The following SLC15A5 variants were observed in gnomAD, a reference collection of about 807,000 sequenced individuals.
SLC15A5 encodes the protein Peptide/histidine transporter ENSP00000340402.
In SLC15A5, 58 loss-of-function variants were observed where a neutral mutation model predicts 56.1. That is an observed-to-expected ratio of 1.03 (90% confidence interval 0.84 to 1.29). The LOEUF is 1.29. SLC15A5 is among the 50% of genes most tolerant of loss of function. The pLI, the probability that SLC15A5 is intolerant of heterozygous loss-of-function variation, is 0.00. For synonymous variants in SLC15A5, 264 were observed against 250.5 expected (o/e 1.05, Z -0.51); for missense variants, 681 against 672.1 (o/e 1.01, Z -0.15).
At chr12:16,220,999 C>T (rs757447553) in intron 6 of SLC15A5, among the ~76,000 whole-genome samples, 2 of 151,976 alleles carry the variant, frequency 1.3e-5, no homozygotes, top group Non-Finnish European at 2.9e-5. Flanking sequence ...AGCTCATCTC[C>T]AATGTATAAC....
At position 16,189,531 on chromosome 12, in the gene SLC15A5, T is replaced by A; in HGVS notation, c.*137A>T. 1 of 657,662 alleles carries A rather than the reference T, an allele frequency of 1.5e-6. No individual in the cohort carries two copies. 40.7% of individuals were successfully genotyped at this position (657,662 alleles called of 1,614,324 possible). On this transcript the variant is annotated 3_prime_UTR_variant, in exon 9 of 9. Transcript: ENST00000344941. ...CTAGAAAATTCATAATTAGTCTTTG[T>A]AAATAAAGTATACAGATGATATTTG...
At position 16,271,022 on chromosome 12, in the gene SLC15A5, G is replaced by C. The variant is rs1229012712; in HGVS notation, c.584+1539C>G. 6.6e-6 allele frequency among the ~76,000 whole-genome samples: 1 copy of C among 152,124 alleles called. No individual in the cohort carries two copies. Among genetic ancestry groups the C allele is most frequent in the Non-Finnish European group, 1.5e-5 (1 of 68,014 alleles). The stretch of plus-strand genomic sequence containing the variant: ...CTTTAAATTTTTAAAATAGTGAGCT[G>C]TTTAGTGAAATCAGAAAATAATTTT... On this transcript the variant is annotated intron_variant, in intron 2 of 8. Transcript: ENST00000344941. This position sits in a 1 kb window ranked among gnomAD's most constrained non-coding sequence, Gnocchi z 8.0.
chr12:16,275,131 A>G (rs978517421), intron 1 of SLC15A5, among the ~76,000 whole-genome samples: 4 of 151,984 alleles, frequency 2.6e-5, no homozygotes, highest in Admixed American at 6.6e-5. Flanking sequence ...ATGCAATCGT[A>G]TAAGTATTAT....
chr12:16,241,658 C>G, intron 4 of SLC15A5, among the ~76,000 whole-genome samples: 1 of 152,284 alleles, frequency 6.6e-6, no homozygotes, highest in Non-Finnish European at 1.5e-5. Context: ...ATGGATCCCC[C>G]ATCGGAGGAA....
At chr12:16,224,271 A>G (rs1864216773) in intron 6 of SLC15A5, 143 bp downstream of exon 6, 1 of 698,756 alleles carries the variant, frequency 1.4e-6, no homozygotes. Flanking sequence ...TAAAAAAGTA[A>G]TAAATAAATT....
intron 2 of SLC15A5, among the ~76,000 whole-genome samples, chr12:16,258,990 C>CTTTTTTTTTTTTT (rs35905307): frequency 4.2e-5 from 5 of 118,430 alleles, no homozygotes; most frequent in South Asian, 2.8e-4. Flanking sequence ...TCTTCTTTTT[C>CTTTTTTTTTTTTT]TTTTTTTTTT....
chr12:16,217,247 A>G (rs548939720), intron 6 of SLC15A5, among the ~76,000 whole-genome samples: 23 of 152,174 alleles, frequency 1.5e-4, no homozygotes, highest in African/African-American at 5.5e-4. Context: ...CCCAGCTACA[A>G]TGAGAATTTG....
intron 7 of SLC15A5, among the ~76,000 whole-genome samples, chr12:16,209,080 C>T (rs77140515): frequency 0.044 from 6,547 of 149,650 alleles, 201 homozygotes; most frequent in African/African-American, 0.07. Flanking sequence ...GTTTTCATTT[C>T]ACCACTGAAA....
In SLC15A5 at chr12:16,256,153, A is replaced by G. The variant is rs187565782; in HGVS notation, c.754+1548T>C. Among the ~76,000 whole-genome samples, 200 of 152,352 alleles carry G rather than the reference A, an allele frequency of 1.3e-3. 6 individuals are homozygous for G. In the East Asian group the frequency reaches 0.028, roughly 21 times the overall value. ...GTTGAAATTCAACTCAATAATTTGC[A>G]AATCTATAGATAGAAGGAAATAATT... On this transcript the variant is annotated intron_variant, in intron 3 of 8. Coordinates refer to ENST00000344941, the MANE Select transcript of SLC15A5 (RefSeq NM_001170798.1).
intron 3 of SLC15A5, among the ~76,000 whole-genome samples, chr12:16,246,623 A>G (rs192044987): frequency 1.6e-4 from 24 of 152,328 alleles, no homozygotes; most frequent in African/African-American, 5.5e-4. Flanking sequence ...TGATTATTAA[A>G]TGATAAGTAC....
intron 2 of SLC15A5, among the ~76,000 whole-genome samples, chr12:16,265,334 C>T (rs762124312): frequency 1.4e-4 from 21 of 152,184 alleles, no homozygotes; most frequent in Admixed American, 3.3e-4. Flanking sequence ...CTAGTCTGCT[C>T]ACTGTCCCAG....
intron 7 of SLC15A5, among the ~76,000 whole-genome samples, chr12:16,204,076 T>C (rs997150169): frequency 6.6e-6 from 1 of 152,230 alleles, no homozygotes; most frequent in Non-Finnish European, 1.5e-5. Flanking sequence ...AAGTATGTTA[T>C]ATACTTGGAT....
intron 3 of SLC15A5, among the ~76,000 whole-genome samples, chr12:16,252,193 A>G (rs1316294947): frequency 6.6e-6 from 1 of 151,976 alleles, no homozygotes; most frequent in Non-Finnish European, 1.5e-5. Flanking sequence ...TGAATATCCC[A>G]CCGCTGACAT....
intron 3 of SLC15A5, among the ~76,000 whole-genome samples, chr12:16,252,609 C>T: frequency 6.6e-6 from 1 of 151,886 alleles, no homozygotes; most frequent in Non-Finnish European, 1.5e-5. Flanking sequence ...AGGTGAAAGA[C>T]TTGTATAATG....
rs1864053771 is a variant in SLC15A5 at position 16,209,217 on chromosome 12, T to C, written c.1483+7676A>G. On this transcript the variant is annotated intron_variant, in intron 7 of 8. Transcript: ENST00000344941. ...TACCATTATCTGCTTGAAACCATCT[T>C]CTTTCTTATCTTCAGTGAATATACA... Among the ~76,000 whole-genome samples, 3 of 144,236 alleles carry C rather than the reference T, an allele frequency of 2.1e-5. No homozygotes were observed. The South Asian group carries it at 6.3e-4, about 31-fold the overall frequency. 94.6% of individuals were successfully genotyped at this position (144,236 alleles called of 152,430 possible). A position where few individuals can be genotyped will look rare whatever the true frequency, so the allele number is the denominator to read the frequency against.
chr12:16,239,868 CTG>C lies in SLC15A5; in HGVS notation c.976-3_976-2del. ...TTTGCAGATAATATCCTGAAGGAAT[CTG>C]TATTCGAGAGGGAAACATCCATGCA... is the stretch of plus-strand genomic sequence containing the variant. On this transcript the variant is annotated splice_acceptor_variant and splice_polypyrimidine_tract_variant and intron_variant, in intron 4 of 8. Coordinates refer to ENST00000344941, the MANE Select transcript of SLC15A5 (RefSeq NM_001170798.1). LOFTEE classifies it high-confidence loss of function. 3 of 1,536,098 alleles carry C rather than the reference CTG, an allele frequency of 2.0e-6. No homozygotes were observed. The highest frequency in any genetic ancestry group is 2.6e-6 in the Non-Finnish European group (3 of 1,146,376).
At chr12:16,191,503 T>G (rs1290825852) in intron 8 of SLC15A5, among the ~76,000 whole-genome samples, 1 of 152,036 alleles carries the variant, frequency 6.6e-6, no homozygotes, top group Non-Finnish European at 1.5e-5. Context: ...TGATAAAAAA[T>G]GGGATTGTGA....
chr12:16,198,388 G>T (rs563742076), intron 7 of SLC15A5, among the ~76,000 whole-genome samples: 1 of 152,042 alleles, frequency 6.6e-6, no homozygotes, highest in East Asian at 1.9e-4. Context: ...CTATTTATCC[G>T]AAATTATCAC....
chr12:16,242,582 A>G (rs1159299336), intron 4 of SLC15A5, among the ~76,000 whole-genome samples: 1 of 152,236 alleles, frequency 6.6e-6, no homozygotes, highest in Non-Finnish European at 1.5e-5. Flanking sequence ...TTTAGAAGCT[A>G]TGGCACTTAA....
Sources: gnomAD v4.1 joint callset for allele counts (sites outside exome capture counted in the v4.1 genomes callset) on GRCh38, gnomAD v4.1.1 for gene constraint, Gnocchi (gnomAD v3.1) non-coding constraint, MANE v1.5 for transcripts, NCBI Gene and HGNC (gene_info 2026-07-23, HGNC 2026-07-21) for gene names.